The following ALCAM variants were observed in gnomAD, a reference collection of about 807,000 sequenced individuals.
ALCAM encodes activated leukocyte cell adhesion molecule, also known as CD166 antigen.
A neutral mutation model predicts 70.9 loss-of-function variants in ALCAM; 30 were observed. That is an observed-to-expected ratio of 0.42 (90% confidence interval 0.32 to 0.57). The LOEUF (loss-of-function observed/expected upper bound fraction) is 0.57, where lower values mean the gene tolerates loss of function less well. Among genes scored for constraint, ALCAM ranks in the 20% least tolerant of loss-of-function variants. The pLI, the probability that ALCAM is intolerant of heterozygous loss-of-function variation, is 0.11. For missense variants in ALCAM, 591 were observed against 695.1 expected (o/e 0.85, Z 1.68); for synonymous variants, 249 against 242.5 (o/e 1.03, Z -0.25).
At position 105,394,757 on chromosome 3, in the gene ALCAM, A is replaced by G. The variant is rs185384494; in HGVS notation, c.73+27276A>G. On this transcript the variant is annotated intron_variant, in intron 1 of 15. Coordinates refer to ENST00000306107, the MANE Select transcript of ALCAM (RefSeq NM_001627.4). ...CATCTGCAAAATTGTTTAGGCAGAA[A>G]GGTGGTTTCTTTTTCCATTTTAATA... is the stretch of plus-strand genomic sequence containing the variant. Among the ~76,000 whole-genome samples, 14 of 152,092 alleles carry G rather than the reference A, an allele frequency of 9.2e-5. No individual in the cohort carries two copies. The East Asian group carries it at 2.7e-3, about 30-fold the overall frequency.
At chr3:105,384,701 G>A (rs1005620945) in intron 1 of ALCAM, among the ~76,000 whole-genome samples, 6 of 151,578 alleles carry the variant, frequency 4.0e-5, no homozygotes, top group African/African-American at 9.7e-5. Context: ...AATACCTGCT[G>A]TACTCCATGT....
chr3:105,553,503 G>A (rs1018447229), intron 14 of ALCAM, among the ~76,000 whole-genome samples: 3 of 151,804 alleles, frequency 2.0e-5, no homozygotes, highest in African/African-American at 4.8e-5. Context: ...TTTATATTAT[G>A]TCTGATATGT....
intron 1 of ALCAM, among the ~76,000 whole-genome samples, chr3:105,390,292 A>T (rs1365862050): frequency 6.6e-6 from 1 of 152,028 alleles, no homozygotes; most frequent in African/African-American, 2.4e-5. Flanking sequence ...CGCCATTCTG[A>T]CTGGGATGAA....
At chr3:105,557,488 T>C (rs1023473629) in intron 14 of ALCAM, among the ~76,000 whole-genome samples, 1 of 152,126 alleles carries the variant, frequency 6.6e-6, no homozygotes, top group South Asian at 2.1e-4. Context: ...ATATAATGTG[T>C]TCATATTTCA....
At chr3:105,479,867 T>G (rs1034602307) in intron 1 of ALCAM, among the ~76,000 whole-genome samples, 2 of 152,142 alleles carry the variant, frequency 1.3e-5, no homozygotes, top group Non-Finnish European at 2.9e-5. Context: ...TCTGCAAAGC[T>G]TTGAACCATA....
chr3:105,400,479 T>A (rs897350027), intron 1 of ALCAM, among the ~76,000 whole-genome samples: 1 of 152,206 alleles, frequency 6.6e-6, no homozygotes, highest in Non-Finnish European at 1.5e-5. Flanking sequence ...AGACTGAGCA[T>A]AATGTATCAT....
chr3:105,551,034 G>A (rs1002879979), intron 12 of ALCAM, among the ~76,000 whole-genome samples: 6 of 151,538 alleles, frequency 4.0e-5, no homozygotes, highest in Non-Finnish European at 7.4e-5. Context: ...GATGCTAACT[G>A]ACCTGCCAAA....
At chr3:105,557,733 T>C (rs560770506) in intron 14 of ALCAM, among the ~76,000 whole-genome samples, 1 of 152,246 alleles carries the variant, frequency 6.6e-6, no homozygotes, top group East Asian at 1.9e-4. Context: ...TCCCTCAGCC[T>C]TTTACCTAAT....
chr3:105,499,592 A>T (rs1553729116), intron 1 of ALCAM, among the ~76,000 whole-genome samples: 1 of 152,206 alleles, frequency 6.6e-6, no homozygotes, highest in Non-Finnish European at 1.5e-5. Flanking sequence ...AAATCAGTTC[A>T]TGTCTGTCTT....
intron 3 of ALCAM, among the ~76,000 whole-genome samples, chr3:105,527,417 T>C (rs942706479): frequency 6.6e-6 from 1 of 152,092 alleles, no homozygotes; most frequent in Non-Finnish European, 1.5e-5. Context: ...GGGCTAAGAT[T>C]CACTCCTCAT....
At chr3:105,377,125 C>A (rs1349811530) in intron 1 of ALCAM, among the ~76,000 whole-genome samples, 1 of 152,022 alleles carries the variant, frequency 6.6e-6, no homozygotes, top group Non-Finnish European at 1.5e-5. Context: ...TTTCATTTAA[C>A]AGTACATTTT....
intron 1 of ALCAM, among the ~76,000 whole-genome samples, chr3:105,414,884 A>G (rs114740879): frequency 0.015 from 2,339 of 152,208 alleles, 26 homozygotes; most frequent in Middle Eastern, 0.048. Flanking sequence ...CCCTGATGCC[A>G]TTGTTTAAGA....
At chr3:105,538,965 C>A (rs915736429) in intron 6 of ALCAM, among the ~76,000 whole-genome samples, 1 of 151,856 alleles carries the variant, frequency 6.6e-6, no homozygotes, top group South Asian at 2.1e-4. Context: ...AATAAATGAC[C>A]GCAAGAGATA....
At chr3:105,508,508 A>G (rs1939142684) in intron 1 of ALCAM, among the ~76,000 whole-genome samples, 1 of 152,192 alleles carries the variant, frequency 6.6e-6, no homozygotes, top group Non-Finnish European at 1.5e-5. Context: ...GCAAAAATGT[A>G]CAATGTATAT....
At chr3:105,380,257 A>T (rs552127279) in intron 1 of ALCAM, among the ~76,000 whole-genome samples, 1 of 151,728 alleles carries the variant, frequency 6.6e-6, no homozygotes, top group Non-Finnish European at 1.5e-5. Flanking sequence ...TTATTACTTT[A>T]CCTTTTAATT....
intron 1 of ALCAM, among the ~76,000 whole-genome samples, chr3:105,377,639 T>C (rs1047747382): frequency 3.9e-5 from 6 of 152,066 alleles, no homozygotes; most frequent in African/African-American, 1.4e-4. Context: ...CCTAACTTTA[T>C]TATACATGAG....
chr3:105,477,612 C>T (rs1052071235), intron 1 of ALCAM, among the ~76,000 whole-genome samples: 2 of 152,134 alleles, frequency 1.3e-5, no homozygotes, highest in African/African-American at 4.8e-5. Flanking sequence ...TACTGAACTT[C>T]TTAAACCTGT....
intron 1 of ALCAM, among the ~76,000 whole-genome samples, chr3:105,450,611 GT>G (rs1490895490): frequency 6.6e-6 from 1 of 152,120 alleles, no homozygotes; most frequent in East Asian, 1.9e-4. Context: ...AGTAATATTT[GT>G]CATATACTTG....
intron 1 of ALCAM, among the ~76,000 whole-genome samples, chr3:105,458,800 C>T (rs1937566690): frequency 6.6e-6 from 1 of 152,144 alleles, no homozygotes; most frequent in African/African-American, 2.4e-5. Flanking sequence ...AGCTCTGCTC[C>T]TGTTTTTTAG....
Sources: allele counts gnomAD v4.1 joint callset (sites outside exome capture counted in the v4.1 genomes callset), GRCh38; gene constraint gnomAD v4.1.1; transcripts MANE v1.5; gene names NCBI Gene and HGNC (gene_info 2026-07-23, HGNC 2026-07-21).